The following NSMCE1 variants were observed in gnomAD, a reference collection of about 807,000 sequenced individuals.
NSMCE1 encodes NSE1 component of SMC5/6 complex.
A neutral mutation model predicts 29.6 loss-of-function variants in NSMCE1; 18 were observed. That is an observed-to-expected ratio of 0.61 (90% CI 0.42 to 0.90). The LOEUF is 0.90. Among genes scored for constraint, NSMCE1 ranks in the 40% least tolerant of loss-of-function variants. The pLI is 0.00. For synonymous variants in NSMCE1, 124 were observed against 133.4 expected, an observed-to-expected ratio of 0.93 and a Z score of 0.49; for missense variants, 314 against 343.6, an observed-to-expected ratio of 0.91 and a Z score of 0.68.
chr16:27,225,633 C>T, intron 7 of NSMCE1, 93 bp downstream of exon 7: 7 of 1,475,412 alleles, frequency 4.7e-6, no homozygotes, highest in Non-Finnish European at 5.5e-6. Flanking sequence ...ACCCTGGAGC[C>T]CTTCAGGGCC....
chr16:27,238,051 C>T (rs1477457969), intron 2 of NSMCE1, among the ~76,000 whole-genome samples: 1 of 152,168 alleles, frequency 6.6e-6, no homozygotes, highest in African/African-American at 2.4e-5. Flanking sequence ...CTTGCAGCTC[C>T]TCTTAATCGT....
At chr16:27,242,859 G>T (rs1274704315) in intron 2 of NSMCE1, among the ~76,000 whole-genome samples, 1 of 152,174 alleles carries the variant, frequency 6.6e-6, no homozygotes, top group African/African-American at 2.4e-5. Context: ...AGGAGCCCTC[G>T]CAGAGCTGAT....
At chr16:27,231,019 G>C (rs1056478507) in intron 5 of NSMCE1, among the ~76,000 whole-genome samples, 1 of 152,250 alleles carries the variant, frequency 6.6e-6, no homozygotes, top group Non-Finnish European at 1.5e-5. Context: ...AATGGTGGCA[G>C]CATGTGCTAG....
intron 2 of NSMCE1, among the ~76,000 whole-genome samples, chr16:27,251,813 T>C (rs768546367): frequency 1.3e-5 from 2 of 152,220 alleles, no homozygotes; most frequent in Non-Finnish European, 2.9e-5. Flanking sequence ...TCATCAGTTC[T>C]CAGCGGGATC....
At chr16:27,258,331 G>A (rs2084109794) in intron 1 of NSMCE1, among the ~76,000 whole-genome samples, 2 of 152,242 alleles carry the variant, frequency 1.3e-5, no homozygotes, top group South Asian at 2.1e-4. Context: ...CAGTGCAGGG[G>A]CTAAGAATGT....
chr16:27,250,877 T>C (rs1422280897), intron 2 of NSMCE1, among the ~76,000 whole-genome samples: 2 of 145,990 alleles, frequency 1.4e-5, no homozygotes, highest in East Asian at 4.0e-4. Flanking sequence ...AGTTTTGCTC[T>C]TGTTGCCCAG....
chr16:27,226,482 G>A (rs2083693185), intron 6 of NSMCE1: 2 of 492,182 alleles, frequency 4.1e-6, no homozygotes, highest in Non-Finnish European at 7.2e-6. Context: ...TAAAGTAAGC[G>A]AGGGCCCTTG....
rs2083774373 is a variant in NSMCE1, at chr16:27,232,663, A to T, written c.483+338T>A. 6.6e-6 allele frequency among the ~76,000 whole-genome samples: 1 copy of T among 152,214 alleles called. No individual in the cohort carries two copies. Among genetic ancestry groups the T allele is most frequent in the South Asian group, 2.1e-4 (1 of 4,836 alleles). On this transcript the variant is annotated intron_variant, in intron 5 of 7. Transcript: ENST00000361439. This position sits in a 1 kb window ranked among gnomAD's most constrained non-coding sequence, Gnocchi z 4.5. ...GGCTCAGGGTTCAGACCCGGGTTAG[A>T]TGTTAGAGCCACACTCTCAGCCACG...
At chr16:27,229,486 G>A (rs1307022266) in intron 5 of NSMCE1, among the ~76,000 whole-genome samples, 3 of 152,192 alleles carry the variant, frequency 2.0e-5, no homozygotes, top group African/African-American at 7.2e-5. Flanking sequence ...AACACCCACG[G>A]GAAGATGAAG....
intron 2 of NSMCE1, among the ~76,000 whole-genome samples, chr16:27,251,717 C>T (rs755556535): frequency 2.6e-5 from 4 of 152,158 alleles, no homozygotes; most frequent in Non-Finnish European, 5.9e-5. Flanking sequence ...TTGGGCCGGG[C>T]ACTATTCCCA....
At chr16:27,257,376 C>A in intron 2 of NSMCE1, 59 bp downstream of exon 2, 1 of 1,492,558 alleles carries the variant, frequency 6.7e-7, no homozygotes, top group Non-Finnish European at 9.1e-7. Flanking sequence ...GTACCTATGT[C>A]ACTGGTCCCT....
chr16:27,265,161 C>CTTTTTTTTTTTT (rs5816427), intron 1 of NSMCE1, among the ~76,000 whole-genome samples: 11 of 82,690 alleles, frequency 1.3e-4, no homozygotes, highest in Non-Finnish European at 2.2e-4. Flanking sequence ...AATTCTTTTC[C>CTTTTTTTTTTTT]TTTTTTTTTT....
chr16:27,262,653 T>G (rs897353141), intron 1 of NSMCE1, among the ~76,000 whole-genome samples: 3 of 151,936 alleles, frequency 2.0e-5, no homozygotes, highest in Admixed American at 2.0e-4. Context: ...GAAGACAACC[T>G]AGGCAATACC....
intron 2 of NSMCE1, among the ~76,000 whole-genome samples, chr16:27,248,632 A>G (rs2083985692): frequency 6.6e-6 from 1 of 151,468 alleles, no homozygotes; most frequent in Non-Finnish European, 1.5e-5. Context: ...GATGATCTCA[A>G]TCTCCTGACC....
chr16:27,237,366 G>T (rs892303806), intron 2 of NSMCE1, among the ~76,000 whole-genome samples: 2 of 152,178 alleles, frequency 1.3e-5, no homozygotes, highest in Non-Finnish European at 2.9e-5. Context: ...ACCTTGGATG[G>T]CCTGTTTTTC....
chr16:27,241,459 G>A, intron 2 of NSMCE1: 1 of 167,534 alleles, frequency 6.0e-6, no homozygotes. Flanking sequence ...CAGGAGTGGA[G>A]CTGGCCCAAG....
intron 2 of NSMCE1, among the ~76,000 whole-genome samples, chr16:27,235,536 G>A (rs2083812418): frequency 6.6e-6 from 1 of 152,168 alleles, no homozygotes. Flanking sequence ...CCAGGGAGAT[G>A]CTATCTGCAA....
intron 1 of NSMCE1, among the ~76,000 whole-genome samples, chr16:27,264,306 G>A (rs769876128): frequency 1.3e-5 from 2 of 152,300 alleles, no homozygotes; most frequent in East Asian, 1.9e-4. Context: ...TCGGGATGTC[G>A]AGGCTACAGT....
intron 2 of NSMCE1, among the ~76,000 whole-genome samples, chr16:27,250,857 T>C (rs2084019381): frequency 6.7e-6 from 1 of 149,272 alleles, no homozygotes; most frequent in African/African-American, 2.4e-5. Flanking sequence ...TTTTTTTTTT[T>C]TTGAGATGGA....
Sources: allele counts gnomAD v4.1 joint callset (sites outside exome capture counted in the v4.1 genomes callset), GRCh38; gene constraint gnomAD v4.1.1; non-coding constraint Gnocchi (gnomAD v3.1); transcripts MANE v1.5; gene names NCBI Gene and HGNC (gene_info 2026-07-23, HGNC 2026-07-21).